KIF1C: variants seen among roughly 807,000 people sequenced by gnomAD.
KIF1C encodes the protein kinesin family member 1C.
A neutral mutation model predicts 126.5 loss-of-function variants in KIF1C; 61 were observed. The ratio of observed to expected loss-of-function variants is 0.48; its 90% CI spans 0.39 to 0.60. The LOEUF is 0.60. Among genes scored for constraint, KIF1C ranks in the 20% least tolerant of loss-of-function variants. The pLI, the probability that KIF1C is intolerant of heterozygous loss-of-function variation, is 0.00. For synonymous variants in KIF1C, 640 were observed against 580.6 expected (o/e 1.10, Z -1.47); for missense variants, 1,315 against 1,489.2 (o/e 0.88, Z 1.93).
In KIF1C at chr17:5,022,841, A is replaced by C. The variant is rs1479352299; in HGVS notation, c.2628+132A>C. ...CATTGAAGTATAGTACGTTTTTTTCAATATTGTTTACGAACCACATGCCTC... is the reference window on the plus strand; with the variant it reads ...CATTGAAGTATAGTACGTTTTTTTCCATATTGTTTACGAACCACATGCCTC... On this transcript the variant is annotated intron_variant, in intron 22 of 22. Coordinates refer to ENST00000320785, the MANE Select transcript of KIF1C (RefSeq NM_006612.6). The surrounding 1 kb of genome is among the most constrained non-coding windows in gnomAD (Gnocchi z 4.9). 2 of 1,271,718 alleles carry C rather than the reference A, an allele frequency of 1.6e-6. No individual in the cohort carries two copies. Among genetic ancestry groups the C allele is most frequent in the East Asian group, 5.6e-5 (2 of 35,910 alleles). The allele number at this position is 1,271,718 out of a possible 1,614,324, so 78.8% of individuals were successfully genotyped here.
chr17:5,000,243 A>T lies in KIF1C; in HGVS notation c.-4A>T. The T allele has an allele frequency of 6.4e-7, 1 of 1,563,632 alleles. No homozygotes were observed. Among genetic ancestry groups the T allele is most frequent in the Non-Finnish European group, 8.7e-7 (1 of 1,153,848 alleles). On this transcript the variant is annotated 5_prime_UTR_variant, in exon 3 of 23. Coordinates refer to ENST00000320785, the MANE Select transcript of KIF1C (RefSeq NM_006612.6). Reference sequence around the variant, plus strand: ...AGCTGAGGAGGGCAGGAGTGTCTGGAGCTATGGCTGGTGCCTCGGTGAAAG... The same window carrying T: ...AGCTGAGGAGGGCAGGAGTGTCTGGTGCTATGGCTGGTGCCTCGGTGAAAG...
In KIF1C at chr17:5,002,102, C is replaced by T. The variant is rs761420923; in HGVS notation, c.407C>T (p.Ala136Val). 7.4e-6 allele frequency: 12 copies of T among 1,614,100 alleles called. 1 individual carries two copies. The Admixed American group carries it at 1.8e-4, about 25-fold the overall frequency. Residue 136 changes from alanine to valine, a missense_variant, in exon 6 of 23, where the codon GCT (alanine) becomes GTT (valine). By Grantham distance (64) the Ala-to-Val change is moderately conservative. Transcript: ENST00000320785. Reference protein sequence around the residue: ...LFSRVSENQSAQLSYSVEVSY... With the variant: ...LFSRVSENQSVQLSYSVEVSY... Reference sequence around the variant, plus strand: ...TCTCGCGTTAGTGAGAACCAGAGTGCTCAGCTATCCTACTCTGTGGAGGTA... The same window carrying T: ...TCTCGCGTTAGTGAGAACCAGAGTGTTCAGCTATCCTACTCTGTGGAGGTA...
Position 5,023,538 on chromosome 17 carries a change from AGG to A in KIF1C, c.2700_2701del (p.Glu901GlyfsTer5). On this transcript the variant is annotated frameshift_variant, in exon 23 of 23. Transcript: ENST00000320785. LOFTEE classifies it high-confidence loss of function. The surrounding 1 kb of genome is among the most constrained non-coding windows in gnomAD (Gnocchi z 4.2). Reference sequence around the variant, plus strand: ...CCGCCTGAAGGATCAGAGGCAGCAGAGGAGGCAGCCCCCAGTGACCGCATGCC... The same window carrying A: ...CCGCCTGAAGGATCAGAGGCAGCAGAAGGCAGCCCCCAGTGACCGCATGCC... 1.2e-6 allele frequency: 2 copies of A among 1,613,728 alleles called. No homozygotes were observed. Among genetic ancestry groups the A allele is most frequent in the Non-Finnish European group, 1.7e-6 (2 of 1,179,914 alleles).
rs62072489 is a variant in KIF1C, at chr17:4,999,962, G to C, written c.-36G>C. ...ATACAGCCCCCCTGGTCTGGGGCCA[G>C]GACGCCAGGTAACTGGGGGAGACCG... is the stretch of plus-strand genomic sequence containing the variant. On this transcript the variant is annotated 5_prime_UTR_variant, in exon 2 of 23. Coordinates refer to ENST00000320785, the MANE Select transcript of KIF1C (RefSeq NM_006612.6). 4.6e-6 allele frequency: 2 copies of C among 437,316 alleles called. No individual in the cohort carries two copies. Among genetic ancestry groups the C allele is most frequent in the African/African-American group, 2.0e-5 (1 of 50,258 alleles). 27.1% of individuals were successfully genotyped at this position (437,316 alleles called of 1,614,324 possible). A position where few individuals can be genotyped will look rare whatever the true frequency, so the allele number is the denominator to read the frequency against.
In KIF1C at chr17:5,023,914, G is replaced by T. The variant is rs767087719; in HGVS notation, c.3075G>T (p.Arg1025Ser). The T allele has an allele frequency of 6.4e-7, 1 of 1,563,174 alleles. No homozygotes were observed. The highest frequency in any genetic ancestry group is 8.7e-7 in the Non-Finnish European group (1 of 1,153,628). Residue 1025 changes from arginine to serine, a missense_variant, in exon 23 of 23, where the codon AGG becomes AGT. Arg to Ser is a moderately radical substitution (Grantham distance 110). Coordinates refer to ENST00000320785, the MANE Select transcript of KIF1C (RefSeq NM_006612.6). This position sits in a 1 kb window ranked among gnomAD's most constrained non-coding sequence, Gnocchi z 4.2. ...TPARRPPSPRRSHHPRRNSLD... is the reference protein window; with the variant it reads ...TPARRPPSPRSSHHPRRNSLD... ...CCCGCCGGCCTCCGAGTCCCCGAAG[G>T]TCCCACCATCCCCGCAGGAACTCCC...
At chr17:5,018,348 TC>T (rs55699985) in intron 18 of KIF1C, among the ~76,000 whole-genome samples, 32,004 of 151,400 alleles carry the variant, frequency 0.21, 3,632 homozygotes, top group Middle Eastern at 0.32. Flanking sequence ...AATGCCTTTT[TC>T]CCCCCCTCTT....
At position 5,024,371 on chromosome 17, in the gene KIF1C, A is replaced by T. The variant is rs1975167071; in HGVS notation, c.*220A>T. On this transcript the variant is annotated 3_prime_UTR_variant, in exon 23 of 23. Coordinates refer to ENST00000320785, the MANE Select transcript of KIF1C (RefSeq NM_006612.6). The stretch of plus-strand genomic sequence containing the variant: ...AGCAAACCAAAGTGAAGAGAGAGAT[A>T]GGAAGCTGCCTCGGGGCCACCCCTT... The T allele has an allele frequency of 2.3e-6, 1 of 431,564 alleles. No homozygotes were observed. Among genetic ancestry groups the T allele is most frequent in the Non-Finnish European group, 4.1e-6 (1 of 244,056 alleles). The allele number at this position is 431,564 out of a possible 1,614,324, so 26.7% of individuals were successfully genotyped here.
Position 5,014,738 on chromosome 17 carries a change from C to T in KIF1C, c.1572-5C>T, listed in dbSNP as rs746771771. On this transcript the variant is annotated splice_region_variant and splice_polypyrimidine_tract_variant and intron_variant, in intron 17 of 22. Coordinates refer to ENST00000320785, the MANE Select transcript of KIF1C (RefSeq NM_006612.6). Reference sequence around the variant, plus strand: ...GCTCACAAACGTTGGCCATTGCTTCCCCAGGGTCGGCCAAGTAGATATGGA... The same window carrying T: ...GCTCACAAACGTTGGCCATTGCTTCTCCAGGGTCGGCCAAGTAGATATGGA... 1.6e-5 allele frequency: 25 copies of T among 1,583,386 alleles called. No homozygotes were observed. Among genetic ancestry groups the T allele is most frequent in the Non-Finnish European group, 2.1e-5 (25 of 1,164,602 alleles).
At chr17:5,003,057 G>A (rs1282196407) in intron 8 of KIF1C, among the ~76,000 whole-genome samples, 1 of 143,888 alleles carries the variant, frequency 6.9e-6, no homozygotes, top group Non-Finnish European at 1.5e-5. Flanking sequence ...TTTTTTTTAA[G>A]ACAGAGTCTT....
At chr17:5,003,068 GCT>G (rs200822934) in intron 8 of KIF1C, among the ~76,000 whole-genome samples, 2,090 of 146,698 alleles carry the variant, frequency 0.014, 39 homozygotes, top group East Asian at 0.05. Flanking sequence ...ACAGAGTCTT[GCT>G]CTGTTACCCA....
chr17:5,008,445 C>T (rs1465602967), intron 16 of KIF1C, among the ~76,000 whole-genome samples: 1 of 152,154 alleles, frequency 6.6e-6, no homozygotes, highest in Admixed American at 6.5e-5. Context: ...CAGCCCAGCC[C>T]GTCTGGACCA....
chr17:5,026,740 C>CCA lies in KIF1C; in HGVS notation c.*2589_*2590insCA, dbSNP rs1975214253. On this transcript the variant is annotated 3_prime_UTR_variant, in exon 23 of 23. Coordinates refer to ENST00000320785, the MANE Select transcript of KIF1C (RefSeq NM_006612.6). Reference sequence around the variant, plus strand: ...GGCCTGGGCAAGAGTGGGACTCTCTCAAAAAAAAAAAAAAAAAAAAATCCA... The same window carrying CCA: ...GGCCTGGGCAAGAGTGGGACTCTCTCCAAAAAAAAAAAAAAAAAAAAAATCCA... The CCA allele has an allele frequency of 1.0e-5, 1 of 99,022 alleles. No individual in the cohort carries two copies. Among genetic ancestry groups the CCA allele is most frequent in the African/African-American group, 3.9e-5 (1 of 25,426 alleles). The allele number at this position is 99,022 out of a possible 1,614,324, so 6.1% of individuals were successfully genotyped here.
Position 4,999,857 on chromosome 17 carries a change from C to A in KIF1C, c.-141C>A, listed in dbSNP as rs758681327. On this transcript the variant is annotated 5_prime_UTR_variant, in exon 2 of 23. Transcript: ENST00000320785. ...CTCTTCCCCCGCAATCAGGGTATCTCCCAGAGCCCCAGCTGGTGTGGCCAG... is the reference window on the plus strand; with the variant it reads ...CTCTTCCCCCGCAATCAGGGTATCTACCAGAGCCCCAGCTGGTGTGGCCAG... The A allele has an allele frequency of 4.8e-6, 1 of 208,380 alleles. No homozygotes were observed. The highest frequency in any genetic ancestry group is 9.9e-6 in the Non-Finnish European group (1 of 101,316). 12.9% of individuals were successfully genotyped at this position (208,380 alleles called of 1,614,324 possible).
rs531177996 is a variant in KIF1C, at chr17:5,022,900, C to T, written c.2628+191C>T. 2.0e-5 allele frequency among the ~76,000 whole-genome samples: 3 copies of T among 152,352 alleles called. No individual in the cohort carries two copies. Among genetic ancestry groups the T allele is most frequent in the South Asian group, 2.1e-4 (1 of 4,830 alleles). On this transcript the variant is annotated intron_variant, in intron 22 of 22. Transcript: ENST00000320785. This position sits in a 1 kb window ranked among gnomAD's most constrained non-coding sequence, Gnocchi z 4.9. ...CAGGCTGCTAATTAAAATAGATTCC[C>T]GGGTTCCACCCCAGACCTACTGAAT...
In KIF1C at chr17:5,021,000, C is replaced by A; in HGVS notation, c.2010+122C>A. ...GGGCATGGGGGTAAGGGGAAGGGTC[C>A]AAGAGGAAAAAGCCAGGAGAGAGAT... On this transcript the variant is annotated intron_variant, in intron 21 of 22. Coordinates refer to ENST00000320785, the MANE Select transcript of KIF1C (RefSeq NM_006612.6). The surrounding 1 kb of genome is among the most constrained non-coding windows in gnomAD (Gnocchi z 5.8). 1.2e-6 allele frequency: 1 copy of A among 813,304 alleles called. No homozygotes were observed. The highest frequency in any genetic ancestry group is 2.0e-6 in the Non-Finnish European group (1 of 501,612). 50.4% of individuals were successfully genotyped at this position (813,304 alleles called of 1,614,324 possible).
Position 5,018,716 on chromosome 17 carries a change from GAAAA to G in KIF1C, c.1667-1277_1667-1274del, listed in dbSNP as rs1162389708. On this transcript the variant is annotated intron_variant, in intron 18 of 22. Coordinates refer to ENST00000320785, the MANE Select transcript of KIF1C (RefSeq NM_006612.6). ...GAAACTCCATCTCAAAAAAAAAAAA[GAAAA>G]AAGAAAAGCCATCCATCACGATTAA... Among the ~76,000 whole-genome samples, 3 of 149,502 alleles carry G rather than the reference GAAAA, an allele frequency of 2.0e-5. No homozygotes were observed. In the East Asian group the frequency reaches 5.9e-4, roughly 29 times the overall value.
In KIF1C at chr17:5,001,335, C is replaced by G; in HGVS notation, c.297C>G (p.Thr99=). 1.2e-6 allele frequency: 2 copies of G among 1,614,132 alleles called. No homozygotes were observed. The highest frequency in any genetic ancestry group is 1.7e-6 in the Non-Finnish European group (2 of 1,179,978). ...TGTGCATCTTTGCCTATGGGCAGAC[C>G]GGGGCTGGGAAATCCTATACCATGA... ...YNVCIFAYGQ[T]GAGKSYTMMG... Residue 99 remains threonine (T), a synonymous_variant, in exon 5 of 23, where the codon ACC becomes ACG. Coordinates refer to ENST00000320785, the MANE Select transcript of KIF1C (RefSeq NM_006612.6).
At chr17:5,000,513 T>C (rs1388544865) in intron 3 of KIF1C, among the ~76,000 whole-genome samples, 161 bp downstream of exon 3, 1 of 151,932 alleles carries the variant, frequency 6.6e-6, no homozygotes, top group African/African-American at 2.4e-5. Context: ...TTTCCCGTGT[T>C]CCCAGTCCCT....
chr17:5,017,572 G>A (rs539229350), intron 18 of KIF1C, among the ~76,000 whole-genome samples: 1 of 152,250 alleles, frequency 6.6e-6, no homozygotes, highest in South Asian at 2.1e-4. Flanking sequence ...CCAAAGTGCT[G>A]GGATTATAGG....
Sources: gnomAD v4.1 joint callset for allele counts (sites outside exome capture counted in the v4.1 genomes callset) on GRCh38, gnomAD v4.1.1 for gene constraint, Gnocchi (gnomAD v3.1) non-coding constraint, MANE v1.5 for transcripts, NCBI Gene and HGNC (gene_info 2026-07-23, HGNC 2026-07-21) for gene names.